ANXA4: variants seen among roughly 807,000 people sequenced by gnomAD.
The protein encoded by ANXA4 is annexin A4, also known as 35-beta calcimedin.
A neutral mutation model predicts 49.8 loss-of-function variants in ANXA4; 39 were observed. The ratio of observed to expected loss-of-function variants is 0.78; its 90% CI spans 0.61 to 1.02. The LOEUF (loss-of-function observed/expected upper bound fraction) is 1.02. ANXA4 is among the 50% of genes least tolerant of loss of function. The probability of loss-of-function intolerance (pLI) is 0.00; values close to 1 mark genes in which losing one functional copy is unlikely to be tolerated. For missense variants in ANXA4, 360 were observed against 410.1 expected (o/e 0.88, Z 1.05); for synonymous variants, 134 against 152.5 (o/e 0.88, Z 0.89).
rs1349014099 is a variant in ANXA4 at position 69,788,128 on chromosome 2, C to G, written c.84C>G (p.Ala28=). Residue 28 remains alanine, a synonymous_variant, in exon 3 of 13, where the codon GCC becomes GCG. Coordinates refer to ENST00000394295, the MANE Select transcript of ANXA4 (RefSeq NM_001153.5). ...AAGATGCCCAGACCCTGAGGAAGGC[C>G]ATGAAAGGGCTCGGTATGTGTCCTG... The part of the protein sequence containing the change: ...AMEDAQTLRK[A]MKGLGTDEDA... 6 of 1,613,792 alleles carry G rather than the reference C, an allele frequency of 3.7e-6. No homozygotes were observed. The Admixed American group carries it at 8.3e-5, about 22-fold the overall frequency.
At chr2:69,753,303 CAG>C (rs1670925190) in intron 1 of ANXA4, among the ~76,000 whole-genome samples, 1 of 152,118 alleles carries the variant, frequency 6.6e-6, no homozygotes. Context: ...GCATAAGAAT[CAG>C]GGCCTGGGCT....
chr2:69,651,825 G>T (rs867301444), intron 1 of ANXA4, among the ~76,000 whole-genome samples: 37 of 72,098 alleles, frequency 5.1e-4, no homozygotes, highest in East Asian at 1.1e-3. Context: ...TTTGGGGGGG[G>T]GGGGCGGGGA....
chr2:69,653,684 A>T (rs1676335761), intron 2 of ANXA4, among the ~76,000 whole-genome samples: 1 of 152,232 alleles, frequency 6.6e-6, no homozygotes, highest in South Asian at 2.1e-4. Context: ...GAGAACTCTT[A>T]AAAATGACTG....
chr2:69,825,649 T>C lies in ANXA4; in HGVS notation c.*134T>C. The C allele has an allele frequency of 1.6e-6, 1 of 616,080 alleles. No individual in the cohort carries two copies. The allele number at this position is 616,080 out of a possible 1,614,324, so 38.2% of individuals were successfully genotyped here. On this transcript the variant is annotated 3_prime_UTR_variant, in exon 13 of 13. Coordinates refer to ENST00000394295, the MANE Select transcript of ANXA4 (RefSeq NM_001153.5). ...ACGCCTACAGCTGCCTCCTAGAATATAGACTGTCTGTATTATTATTCACCT... is the reference window on the plus strand; with the variant it reads ...ACGCCTACAGCTGCCTCCTAGAATACAGACTGTCTGTATTATTATTCACCT...
chr2:69,789,151 C>T (rs773477123), intron 3 of ANXA4, among the ~76,000 whole-genome samples: 1 of 152,174 alleles, frequency 6.6e-6, no homozygotes, highest in African/African-American at 2.4e-5. Context: ...AGCAGTTTCA[C>T]AGACATTATC....
At chr2:69,714,097 G>A (rs1261788581) in intron 2 of ANXA4, among the ~76,000 whole-genome samples, 1 of 152,200 alleles carries the variant, frequency 6.6e-6, no homozygotes, top group South Asian at 2.1e-4. Flanking sequence ...CCAGGCTTTT[G>A]AAGACATCTG....
rs6711085 is a variant in ANXA4 at position 69,793,122 on chromosome 2, C to G, written c.97+4981C>G. ...CAAAAATTAGATGGATGTGGTGGCG[C>G]GTGCCTGTAATCCCAGCTACTCAGG... On this transcript the variant is annotated intron_variant, in intron 3 of 12. Coordinates refer to ENST00000394295, the MANE Select transcript of ANXA4 (RefSeq NM_001153.5). 6.0e-3 allele frequency among the ~76,000 whole-genome samples: 918 copies of G among 152,042 alleles called. 4 individuals are homozygous for G. The highest frequency in any genetic ancestry group is 1.0e-2 in the Non-Finnish European group (678 of 67,998).
intron 8 of ANXA4, chr2:69,815,378 A>G (rs1573312732): frequency 6.6e-6 from 1 of 152,260 alleles, no homozygotes; most frequent in South Asian, 2.1e-4. Context: ...ATGGGGGAGT[A>G]TATGGAGGTA....
intron 3 of ANXA4, among the ~76,000 whole-genome samples, chr2:69,728,482 C>T (rs916294552): frequency 6.6e-6 from 1 of 152,142 alleles, no homozygotes; most frequent in African/African-American, 2.4e-5. Flanking sequence ...AGATATTAAC[C>T]TATGTGTTCT....
At chr2:69,723,524 A>G (rs1285185533) in intron 3 of ANXA4, among the ~76,000 whole-genome samples, 1 of 152,192 alleles carries the variant, frequency 6.6e-6, no homozygotes, top group African/African-American at 2.4e-5. Flanking sequence ...TCCTAGTCCA[A>G]TGTCTCCAAC....
At chr2:69,751,233 TG>T (rs1416202746) in intron 1 of ANXA4, among the ~76,000 whole-genome samples, 1 of 151,894 alleles carries the variant, frequency 6.6e-6, no homozygotes, top group African/African-American at 2.4e-5. Context: ...AGGTTAAAAG[TG>T]GGGGAATCAG....
intron 2 of ANXA4, among the ~76,000 whole-genome samples, chr2:69,710,831 A>T (rs1363900615): frequency 6.6e-6 from 1 of 152,218 alleles, no homozygotes; most frequent in Non-Finnish European, 1.5e-5. Flanking sequence ...GAGCAACTGG[A>T]ATTCTCATAC....
rs190391307 is a variant in ANXA4, at chr2:69,757,839, G to C, written c.-47+15664G>C. On this transcript the variant is annotated intron_variant, in intron 1 of 12. Coordinates refer to ENST00000394295, the MANE Select transcript of ANXA4 (RefSeq NM_001153.5). Reference sequence around the variant, plus strand: ...CTGGGCATAGTGGTGTGTGCCTATAGTCCCAGCTACTTGGGAGGCTGAGGC... The same window carrying C: ...CTGGGCATAGTGGTGTGTGCCTATACTCCCAGCTACTTGGGAGGCTGAGGC... 7.2e-4 allele frequency among the ~76,000 whole-genome samples: 109 copies of C among 151,472 alleles called. 1 individual carries two copies. The highest frequency in any genetic ancestry group is 1.5e-3 in the Admixed American group (23 of 15,214).
intron 1 of ANXA4, among the ~76,000 whole-genome samples, chr2:69,748,235 C>T (rs374146834): frequency 3.3e-5 from 5 of 151,676 alleles, no homozygotes; most frequent in East Asian, 1.9e-4. Flanking sequence ...AAAAATTAGC[C>T]GGGAATGGTG....
At chr2:69,777,297 C>A (rs966731680) in intron 1 of ANXA4, among the ~76,000 whole-genome samples, 2 of 152,150 alleles carry the variant, frequency 1.3e-5, no homozygotes, top group African/African-American at 4.8e-5. Context: ...TGAAATCAAT[C>A]TCCAGCCCTT....
chr2:69,797,309 G>T (rs1045402962), intron 3 of ANXA4, among the ~76,000 whole-genome samples: 1 of 152,134 alleles, frequency 6.6e-6, no homozygotes, highest in Non-Finnish European at 1.5e-5. Flanking sequence ...CCGGGTCCCA[G>T]CACCATAGTT....
At chr2:69,806,646 C>A in intron 5 of ANXA4, 148 bp downstream of exon 5, 1 of 639,240 alleles carries the variant, frequency 1.6e-6, no homozygotes, top group Non-Finnish European at 2.8e-6. Context: ...GGTACATGTA[C>A]ACCATGGAAT....
chr2:69,810,475 C>G, intron 6 of ANXA4, 119 bp from the exon 7 acceptor site: 1 of 785,094 alleles, frequency 1.3e-6, no homozygotes, highest in Admixed American at 2.1e-5. Context: ...GTGAAAAAAC[C>G]TCATGATAAG....
intron 3 of ANXA4, among the ~76,000 whole-genome samples, chr2:69,728,227 A>G (rs1433738889): frequency 6.6e-6 from 1 of 152,192 alleles, no homozygotes; most frequent in East Asian, 1.9e-4. Context: ...TGTTCTTCTC[A>G]TGCTTTTGCT....
Sources: allele counts gnomAD v4.1 joint callset (sites outside exome capture counted in the v4.1 genomes callset), GRCh38; gene constraint gnomAD v4.1.1; transcripts MANE v1.5; gene names NCBI Gene and HGNC (gene_info 2026-07-23, HGNC 2026-07-21).